Variants in MYT1L observed in about 807,000 individuals in gnomAD.
MYT1L encodes myelin transcription factor 1-like protein.
Under a neutral mutation model 126.7 loss-of-function variants are expected in MYT1L, and 12 were observed. The observed-to-expected ratio is 0.09, with a 90% CI of 0.06 to 0.15. MYT1L has a LOEUF of 0.15. MYT1L is among the 10% of genes least tolerant of loss of function. The probability of loss-of-function intolerance (pLI) is 1.00; values close to 1 mark genes in which losing one functional copy is unlikely to be tolerated. For missense variants in MYT1L, 979 were observed against 1,585.2 expected, an observed-to-expected ratio of 0.62 and a Z score of 6.49; for synonymous variants, 541 against 604.2, an observed-to-expected ratio of 0.90 and a Z score of 1.53.
intron 1 of MYT1L, among the ~76,000 whole-genome samples, chr2:2,310,246 T>C (rs993812098): frequency 6.6e-6 from 1 of 152,048 alleles, no homozygotes; most frequent in African/African-American, 2.4e-5. Flanking sequence ...ATACTCTACC[T>C]ATACTTCACT....
At chr2:2,187,467 A>G (rs1050857453) in intron 2 of MYT1L, among the ~76,000 whole-genome samples, 1 of 151,934 alleles carries the variant, frequency 6.6e-6, no homozygotes, top group Non-Finnish European at 1.5e-5. Flanking sequence ...GCTGAAAGGC[A>G]TGTTATTACC....
intron 3 of MYT1L, among the ~76,000 whole-genome samples, chr2:2,124,129 G>C (rs770093603): frequency 6.6e-6 from 1 of 152,152 alleles, no homozygotes; most frequent in East Asian, 1.9e-4. Context: ...AGGACTCCCA[G>C]CCACCCACTC....
At chr2:1,870,602 C>G (rs1393036415) in intron 18 of MYT1L, among the ~76,000 whole-genome samples, 1 of 152,184 alleles carries the variant, frequency 6.6e-6, no homozygotes, top group Non-Finnish European at 1.5e-5. Context: ...CTCCTGTAGA[C>G]AAGACCTGGC....
intron 2 of MYT1L, among the ~76,000 whole-genome samples, chr2:2,255,342 G>A (rs1325579929): frequency 3.9e-5 from 6 of 152,010 alleles, no homozygotes; most frequent in African/African-American, 1.4e-4. Flanking sequence ...ATATTGGGGG[G>A]GTTGTTAGTT....
chr2:2,129,779 G>A (rs575344632), intron 3 of MYT1L, among the ~76,000 whole-genome samples: 13 of 152,068 alleles, frequency 8.5e-5, no homozygotes, highest in Non-Finnish European at 1.8e-4. Flanking sequence ...GGTGGCGGGC[G>A]CCTGTAGTCC....
At chr2:2,005,800 G>GCA (rs1327281556) in intron 4 of MYT1L, among the ~76,000 whole-genome samples, 1 of 123,470 alleles carries the variant, frequency 8.1e-6, no homozygotes, top group East Asian at 2.5e-4. Context: ...TCTTTCCTGT[G>GCA]TGCCTTTCCT....
rs768069026 is a variant in MYT1L, at chr2:1,839,343, C to T, written c.2886G>A (p.Gln962=). The T allele has an allele frequency of 6.2e-7, 1 of 1,613,136 alleles. No homozygotes were observed. The highest frequency in any genetic ancestry group is 1.1e-5 in the South Asian group (1 of 91,070). ...ACGCGTACTTCCCAGTGATGTGGCC[C>T]TGGCCGTCGCACCCGGGGACCGGAC... ...IRCPVPGCDG[Q]GHITGKYASH... is the part of the protein sequence containing the mutation. Residue 962 remains glutamine, a synonymous_variant, in exon 21 of 25, where the codon CAG becomes CAA. Transcript: ENST00000647738.
chr2:2,295,557 C>G (rs1343947329), intron 1 of MYT1L, among the ~76,000 whole-genome samples: 38 of 128,558 alleles, frequency 3.0e-4, no homozygotes, highest in African/African-American at 1.1e-3. Flanking sequence ...GAGAGAGAGA[C>G]AGACAGACAG....
intron 2 of MYT1L, among the ~76,000 whole-genome samples, chr2:2,256,729 A>G (rs1045980309): frequency 1.3e-5 from 2 of 152,232 alleles, no homozygotes; most frequent in Admixed American, 6.5e-5. Context: ...TAATTGCACT[A>G]TATGGCCAGG....
intron 20 of MYT1L, among the ~76,000 whole-genome samples, chr2:1,840,104 T>G (rs2041463912): frequency 6.6e-6 from 1 of 152,254 alleles, no homozygotes; most frequent in Admixed American, 6.5e-5. Context: ...TCCTCAGAAT[T>G]TGCATTACCT....
chr2:2,219,312 G>A (rs1249868859), intron 2 of MYT1L, among the ~76,000 whole-genome samples: 1 of 152,178 alleles, frequency 6.6e-6, no homozygotes, highest in Non-Finnish European at 1.5e-5. Context: ...CAGACTGAGA[G>A]GGTTTAGAAT....
chr2:2,234,005 T>C (rs1015526572), intron 2 of MYT1L, among the ~76,000 whole-genome samples: 1 of 152,198 alleles, frequency 6.6e-6, no homozygotes, highest in Non-Finnish European at 1.5e-5. Context: ...CTTAGATAAG[T>C]CCATGCTTGT....
rs370980512 is a variant in MYT1L at position 2,184,093 on chromosome 2, G to C, written c.-420-11105C>G. Among the ~76,000 whole-genome samples, 9 of 151,226 alleles carry C rather than the reference G, an allele frequency of 6.0e-5. No individual in the cohort carries two copies. In the South Asian group the frequency reaches 1.9e-3, roughly 32 times the overall value. ...AGAGAGAAACAGAGAGAGGGAGGGA[G>C]GGAAAGAAAAGAAGGGAAGGAGGTA... On this transcript the variant is annotated intron_variant, in intron 2 of 24. Transcript: ENST00000647738.
At chr2:1,821,492 C>G (rs376290796) in intron 21 of MYT1L, among the ~76,000 whole-genome samples, 1 of 152,192 alleles carries the variant, frequency 6.6e-6, no homozygotes, top group South Asian at 2.1e-4. Flanking sequence ...TCTTTCTGTT[C>G]TTTTCTGTCT....
Position 1,862,667 on chromosome 2 carries a change from T to A in MYT1L, c.2712-10964A>T, listed in dbSNP as rs1290845197. Among the ~76,000 whole-genome samples, 5 of 152,176 alleles carry A rather than the reference T, an allele frequency of 3.3e-5. No homozygotes were observed. In the East Asian group the frequency reaches 9.6e-4, roughly 29 times the overall value. On this transcript the variant is annotated intron_variant, in intron 18 of 24. Coordinates refer to ENST00000647738, the MANE Select transcript of MYT1L (RefSeq NM_001303052.2). ...AGCCATCCATAGCAGTTGCTAAAAA[T>A]TACACTGTCCTCTGCTTCTCATGTC...
At chr2:1,964,241 A>G (rs1027927996) in intron 8 of MYT1L, among the ~76,000 whole-genome samples, 4 of 152,250 alleles carry the variant, frequency 2.6e-5, no homozygotes, top group Non-Finnish European at 5.9e-5. Flanking sequence ...TTACTGTCTT[A>G]CACGGGCGCG....
chr2:2,230,892 G>C (rs2094145112), intron 2 of MYT1L, among the ~76,000 whole-genome samples: 1 of 151,780 alleles, frequency 6.6e-6, no homozygotes, highest in South Asian at 2.1e-4. Flanking sequence ...GGTGGAAAAT[G>C]AGGTGCCCTG....
chr2:1,884,090 T>C (rs2047898132), intron 18 of MYT1L: 2 of 152,196 alleles, frequency 1.3e-5, no homozygotes, highest in South Asian at 2.1e-4. Flanking sequence ...ATCAAGAATG[T>C]CCTGTTAAAG....
intron 4 of MYT1L, among the ~76,000 whole-genome samples, chr2:2,041,636 T>C (rs1453726418): frequency 6.6e-6 from 1 of 152,154 alleles, no homozygotes; most frequent in Non-Finnish European, 1.5e-5. Context: ...CCGTCCCCCA[T>C]GGCCGGCCCC....
Sources: allele counts gnomAD v4.1 joint callset (sites outside exome capture counted in the v4.1 genomes callset), GRCh38; gene constraint gnomAD v4.1.1; transcripts MANE v1.5; gene names NCBI Gene and HGNC (gene_info 2026-07-23, HGNC 2026-07-21).